Variants in PTPRN2 observed in about 807,000 individuals in gnomAD.
PTPRN2 encodes protein tyrosine phosphatase receptor type N2, also known as receptor-type tyrosine-protein phosphatase N2.
A neutral mutation model predicts 118.8 loss-of-function variants in PTPRN2; 74 were observed. That is an observed-to-expected ratio of 0.62 (90% CI 0.52 to 0.76). The LOEUF (loss-of-function observed/expected upper bound fraction) is 0.76. PTPRN2 is among the 30% of genes least tolerant of loss of function. PTPRN2 has a pLI of 0.00. For missense variants in PTPRN2, 1,481 were observed against 1,394.4 expected (o/e 1.06, Z -0.99); for synonymous variants, 641 against 608.0 (o/e 1.05, Z -0.80).
At position 157,596,270 on chromosome 7, in the gene PTPRN2, G is replaced by A. The variant is rs769399079; in HGVS notation, c.2419-955C>T. 2.6e-5 allele frequency among the ~76,000 whole-genome samples: 4 copies of A among 152,170 alleles called. No individual in the cohort carries two copies. The highest frequency in any genetic ancestry group is 4.4e-5 in the Non-Finnish European group (3 of 68,032). On this transcript the variant is annotated intron_variant, in intron 16 of 22. Transcript: ENST00000389418. This position sits in a 1 kb window ranked among gnomAD's most constrained non-coding sequence, Gnocchi z 4.2. ...CTGGAAAGGGGGCACAGGCACAGCC[G>A]GTCAGCCTGGGCCTGGGTCTGTGGC...
intron 10 of PTPRN2, among the ~76,000 whole-genome samples, chr7:158,098,070 G>C (rs1306145640): frequency 1.3e-5 from 2 of 152,162 alleles, no homozygotes; most frequent in Non-Finnish European, 2.9e-5. Flanking sequence ...TGCCAAGTGT[G>C]TGCCCGTGGC....
At chr7:157,557,613 T>C (rs1798972901) in intron 21 of PTPRN2, among the ~76,000 whole-genome samples, 1 of 151,818 alleles carries the variant, frequency 6.6e-6, no homozygotes, top group East Asian at 1.9e-4. Flanking sequence ...CTTCACACCT[T>C]TCCTGGATGA....
intron 4 of PTPRN2, among the ~76,000 whole-genome samples, 177 bp from the exon 5 acceptor site, chr7:158,192,672 G>T (rs1239448808): frequency 6.6e-6 from 1 of 152,284 alleles, no homozygotes; most frequent in Non-Finnish European, 1.5e-5. Flanking sequence ...CCGAGCCTGT[G>T]TCCTGCACGA....
chr7:158,283,650 C>T (rs551348536), intron 3 of PTPRN2, among the ~76,000 whole-genome samples: 11 of 152,232 alleles, frequency 7.2e-5, no homozygotes, highest in Non-Finnish European at 1.3e-4. Flanking sequence ...CGGTGTTGGC[C>T]GCCAATGGCA....
chr7:158,125,164 G>A (rs545230482), intron 9 of PTPRN2, among the ~76,000 whole-genome samples: 24 of 151,832 alleles, frequency 1.6e-4, no homozygotes, highest in South Asian at 1.2e-3. Flanking sequence ...TGCCTCCCAC[G>A]GCCGCCTCCC....
intron 11 of PTPRN2, among the ~76,000 whole-genome samples, chr7:158,010,819 C>T (rs1401272008): frequency 6.6e-6 from 1 of 152,210 alleles, no homozygotes; most frequent in African/African-American, 2.4e-5. Flanking sequence ...TAAGACTCCT[C>T]CTTTAAATTT....
At chr7:158,356,606 T>C (rs1326071473) in intron 2 of PTPRN2, among the ~76,000 whole-genome samples, 2 of 152,048 alleles carry the variant, frequency 1.3e-5, no homozygotes, top group Non-Finnish European at 2.9e-5. Context: ...CATGCACACC[T>C]CTTAAATAAA....
chr7:157,597,812 G>T (rs1027366296), intron 16 of PTPRN2, among the ~76,000 whole-genome samples: 3 of 152,204 alleles, frequency 2.0e-5, no homozygotes, highest in Admixed American at 2.0e-4. Context: ...CCCACCTGCC[G>T]TCCTGTGGGG....
chr7:158,522,563 T>C (rs1824283171), intron 1 of PTPRN2, among the ~76,000 whole-genome samples: 1 of 151,904 alleles, frequency 6.6e-6, no homozygotes, highest in Non-Finnish European at 1.5e-5. Flanking sequence ...CACCACTGTG[T>C]GTGTACAGCG....
chr7:158,064,499 GAC>G (rs1353311987), intron 11 of PTPRN2, among the ~76,000 whole-genome samples: 1 of 152,158 alleles, frequency 6.6e-6, no homozygotes, highest in African/African-American at 2.4e-5. Context: ...AGGTTGCTTG[GAC>G]ACACTGGTCA....
intron 9 of PTPRN2, among the ~76,000 whole-genome samples, chr7:158,130,441 C>T (rs1818088550): frequency 8.0e-6 from 1 of 124,794 alleles, no homozygotes; most frequent in Admixed American, 8.6e-5. Flanking sequence ...CACGTACATA[C>T]AGATACACAT....
chr7:158,130,821 TAC>T (rs1246003999), intron 9 of PTPRN2, among the ~76,000 whole-genome samples: 1 of 125,024 alleles, frequency 8.0e-6, no homozygotes, highest in African/African-American at 3.1e-5. Flanking sequence ...CACACACACA[TAC>T]ACACACGTAC....
intron 3 of PTPRN2, among the ~76,000 whole-genome samples, chr7:158,284,221 A>G (rs1030607872): frequency 1.3e-5 from 2 of 152,198 alleles, no homozygotes; most frequent in African/African-American, 4.8e-5. Context: ...AGCGTCCTAC[A>G]TTTAGAGAGA....
intron 11 of PTPRN2, among the ~76,000 whole-genome samples, chr7:157,955,222 G>A (rs907284958): frequency 6.6e-6 from 1 of 152,214 alleles, no homozygotes; most frequent in African/African-American, 2.4e-5. Flanking sequence ...TCTCTTCACT[G>A]CTGATTAAGC....
rs527735065 is a variant in PTPRN2, at chr7:158,485,654, C to G, written c.163+4081G>C. ...CTCTCTGCACCCCTCCTGCACAGGCCTCTCCTCCTTTCTGAGCTCAAAGGG... is the reference window on the plus strand; with the variant it reads ...CTCTCTGCACCCCTCCTGCACAGGCGTCTCCTCCTTTCTGAGCTCAAAGGG... On this transcript the variant is annotated intron_variant, in intron 2 of 22. Coordinates refer to ENST00000389418, the MANE Select transcript of PTPRN2 (RefSeq NM_002847.5). Among the ~76,000 whole-genome samples, 473 of 151,492 alleles carry G rather than the reference C, an allele frequency of 3.1e-3. 10 individuals carry two copies. The highest frequency in any genetic ancestry group is 0.011 in the African/African-American group (449 of 41,164).
intron 10 of PTPRN2, among the ~76,000 whole-genome samples, chr7:158,098,635 C>T (rs557286038): frequency 5.3e-4 from 81 of 152,308 alleles, no homozygotes; most frequent in South Asian, 1.7e-3. Flanking sequence ...TCGCCCGCCC[C>T]GGCCTGGCAT....
chr7:158,485,998 C>T (rs1304628431), intron 2 of PTPRN2, among the ~76,000 whole-genome samples: 1 of 152,162 alleles, frequency 6.6e-6, no homozygotes, highest in African/African-American at 2.4e-5. Context: ...AATCATGTGA[C>T]CATAACATAG....
chr7:158,312,853 C>T (rs1373199513), intron 3 of PTPRN2, among the ~76,000 whole-genome samples: 1 of 150,584 alleles, frequency 6.6e-6, no homozygotes, highest in Admixed American at 6.6e-5. Flanking sequence ...GGTGTGTGTG[C>T]ATGTGTGTGG....
chr7:157,769,717 C>G (rs550541969), intron 12 of PTPRN2, among the ~76,000 whole-genome samples: 1 of 152,324 alleles, frequency 6.6e-6, no homozygotes, highest in South Asian at 2.1e-4. Context: ...ACACGGAACT[C>G]TCTTCCGCAG....
Sources: allele counts gnomAD v4.1 joint callset (sites outside exome capture counted in the v4.1 genomes callset), GRCh38; gene constraint gnomAD v4.1.1; non-coding constraint Gnocchi (gnomAD v3.1); transcripts MANE v1.5; gene names NCBI Gene and HGNC (gene_info 2026-07-23, HGNC 2026-07-21).